Variants in COL4A5 observed in about 807,000 individuals in gnomAD.
COL4A5 encodes the protein collagen alpha-5(IV) chain.
A neutral mutation model predicts 130.2 loss-of-function variants in COL4A5; 26 were observed. The observed-to-expected ratio is 0.20, with a 90% CI of 0.15 to 0.28. The LOEUF is 0.28. Ranked by LOEUF, COL4A5 falls within the 10% of genes least tolerant of loss-of-function variation. The pLI is 1.00. For missense variants in COL4A5, 1,131 were observed against 1,344.3 expected (o/e 0.84, Z 2.48); for synonymous variants, 496 against 439.6 (o/e 1.13, Z -1.60).
chrX:108,546,050 C>G (rs1208040848), intron 2 of COL4A5, among the ~76,000 whole-genome samples: 1 of 111,888 alleles, frequency 8.9e-6, no homozygotes, highest in Admixed American at 9.5e-5. Flanking sequence ...GGTGGGTCTT[C>G]ACTCTTTATC....
Position 108,580,727 on chromosome X carries a change from C to T in COL4A5, c.880C>T (p.Pro294Ser), listed in dbSNP as rs374201703. The T allele has an allele frequency of 3.1e-5, 37 of 1,207,178 alleles. No individual in the cohort carries two copies. The African/African-American group carries it at 6.3e-4, about 21-fold the overall frequency. ...EKGEKGEQGE[P>S]GKRGKPGKDG... ...AGGTGAGAAGGGTGAGCAAGGAGAG[C>T]CAGGCAAAAGAGTAAGTGATGTAAC... Residue 294 changes from proline (P) to serine (S), a missense_variant, in exon 15 of 53, where the codon CCA becomes TCA. By Grantham distance (74) the Pro-to-Ser change is moderately conservative. Transcript: ENST00000328300.
rs766871836 is a variant in COL4A5, at chrX:108,681,832, C to T, written c.4160C>T (p.Pro1387Leu). The T allele has an allele frequency of 8.3e-7, 1 of 1,210,386 alleles. No individual in the cohort carries two copies. Among genetic ancestry groups the T allele is most frequent in the African/African-American group, 1.7e-5 (1 of 57,712 alleles). Residue 1387 changes from proline to leucine, a missense_variant, in exon 47 of 53, where the codon CCT becomes CTT. Physicochemically the swap from Pro to Leu is moderately conservative, Grantham distance 98. Coordinates refer to ENST00000328300, the MANE Select transcript of COL4A5 (RefSeq NM_033380.3). ...GGAGATGCTGGTCCTCCAGGAATCC[C>T]TGGCCAGCCTGGGCTAAAGGGTCTA... ...IKGDAGPPGI[P>L]GQPGLKGLPG...
intron 36 of COL4A5, among the ~76,000 whole-genome samples, chrX:108,643,207 T>C (rs1004914696): frequency 9.0e-6 from 1 of 111,327 alleles, no homozygotes; most frequent in East Asian, 2.8e-4. Flanking sequence ...CTCCAAGAAG[T>C]CTAAGATTAT....
chrX:108,451,065 A>G (rs1050756693), intron 1 of COL4A5, among the ~76,000 whole-genome samples: 1 of 105,549 alleles, frequency 9.5e-6, no homozygotes, highest in African/African-American at 3.5e-5. Context: ...TCATTGTTCA[A>G]TTCCCACCTA....
chrX:108,668,180 G>A (rs934494201), intron 40 of COL4A5, 139 bp from the exon 41 acceptor site: 1 of 543,144 alleles, frequency 1.8e-6, no homozygotes, highest in African/African-American at 2.3e-5. Context: ...GGTTTTCTGG[G>A]TAGATTTGGG....
chrX:108,516,396 T>C (rs2065221510), intron 1 of COL4A5, among the ~76,000 whole-genome samples: 1 of 112,108 alleles, frequency 8.9e-6, no homozygotes, highest in Non-Finnish European at 1.9e-5. Flanking sequence ...GCTTCTTTTA[T>C]CTGTGATGTT....
At chrX:108,563,975 A>G (rs765711949) in intron 4 of COL4A5, 49 bp downstream of exon 4, 9 of 1,037,901 alleles carry the variant, frequency 8.7e-6, no homozygotes, top group Middle Eastern at 2.6e-4. Flanking sequence ...GGAAACAGAT[A>G]GAGAACAAAT....
intron 2 of COL4A5, among the ~76,000 whole-genome samples, chrX:108,547,174 G>A (rs1167346306): frequency 8.9e-6 from 1 of 112,100 alleles, no homozygotes; most frequent in Non-Finnish European, 1.9e-5. Flanking sequence ...CTTTGGAGGA[G>A]GAGAGGCACT....
chrX:108,476,347 A>G (rs1241530170), intron 1 of COL4A5, among the ~76,000 whole-genome samples: 1 of 110,360 alleles, frequency 9.1e-6, no homozygotes, highest in Non-Finnish European at 1.9e-5. Flanking sequence ...CAGACACACA[A>G]TGCGTAATAA....
At chrX:108,594,089 G>T (rs1030970002) in intron 21 of COL4A5, among the ~76,000 whole-genome samples, 2 of 111,664 alleles carry the variant, frequency 1.8e-5, no homozygotes, top group African/African-American at 6.5e-5. Flanking sequence ...TGATCAAATT[G>T]AAGTCTTGAT....
Position 108,572,256 on chromosome X carries a change from A to G in COL4A5, c.465+419A>G, listed in dbSNP as rs139140983. The stretch of plus-strand genomic sequence containing the variant: ...CATCAAGCATCAGGTCACAGTCTGT[A>G]CTCCTTCCCTGCAATGCCCAGAAAT... On this transcript the variant is annotated intron_variant, in intron 8 of 52. Transcript: ENST00000328300. Among the ~76,000 whole-genome samples the G allele has an allele frequency of 1.5e-4, 17 of 110,871 alleles. No individual in the cohort carries two copies. In the East Asian group the frequency reaches 4.5e-3, roughly 30 times the overall value.
intron 6 of COL4A5, among the ~76,000 whole-genome samples, chrX:108,570,199 T>C (rs775826885): frequency 8.9e-6 from 1 of 112,025 alleles, no homozygotes; most frequent in Non-Finnish European, 1.9e-5. Flanking sequence ...TCATGAGGAC[T>C]AATCGTGTTC....
chrX:108,536,539 C>T (rs1450693642), intron 1 of COL4A5, among the ~76,000 whole-genome samples: 4 of 110,952 alleles, frequency 3.6e-5, no homozygotes, highest in African/African-American at 1.3e-4. Flanking sequence ...GACTGAGGTA[C>T]TTAATGTTCA....
At chrX:108,569,922 C>T (rs778400174) in intron 6 of COL4A5, among the ~76,000 whole-genome samples, 22 of 111,286 alleles carry the variant, frequency 2.0e-4, no homozygotes, top group African/African-American at 6.5e-4. Context: ...CCTCTTGATC[C>T]GCCTGCCTCA....
chrX:108,631,181 A>G (rs188714954), intron 36 of COL4A5, among the ~76,000 whole-genome samples: 6 of 111,721 alleles, frequency 5.4e-5, no homozygotes, highest in African/African-American at 1.9e-4. Context: ...GTTTTTTCCA[A>G]TTCTGTGAAG....
In COL4A5 at chrX:108,582,883, G is replaced by A. The variant is rs104886448; in HGVS notation, c.937-1G>A. The A allele has an allele frequency of 8.3e-7, 1 of 1,200,679 alleles. No homozygotes were observed. The highest frequency in any genetic ancestry group is 1.1e-6 in the Non-Finnish European group (1 of 886,028). On this transcript the variant is annotated splice_acceptor_variant, in intron 16 of 52. Coordinates refer to ENST00000328300, the MANE Select transcript of COL4A5 (RefSeq NM_033380.3). LOFTEE classifies it high-confidence loss of function. Reference sequence around the variant, plus strand: ...GTCACCCTATCCTCTATGTTTTAAAGGGTTTGCCTGGTGATCCTGGTTACC... The same window carrying A: ...GTCACCCTATCCTCTATGTTTTAAAAGGTTTGCCTGGTGATCCTGGTTACC...
intron 42 of COL4A5, 83 bp downstream of exon 42, chrX:108,670,319 G>A (rs1193661786): frequency 1.7e-6 from 2 of 1,188,218 alleles, no homozygotes; most frequent in African/African-American, 3.5e-5. Flanking sequence ...GTGTTTGAAT[G>A]TATTTTAAGA....
chrX:108,567,297 A>G (rs1200531607), intron 4 of COL4A5, among the ~76,000 whole-genome samples: 7 of 111,506 alleles, frequency 6.3e-5, no homozygotes, highest in Admixed American at 1.9e-4. Context: ...ACAGACGTAC[A>G]CTGGATCCAA....
intron 1 of COL4A5, among the ~76,000 whole-genome samples, chrX:108,485,221 C>A (rs2064932592): frequency 1.8e-5 from 2 of 112,040 alleles, no homozygotes; most frequent in Admixed American, 1.9e-4. Flanking sequence ...TGTCCCAGGG[C>A]AGGTCCCAAA....
Sources: gnomAD v4.1 joint callset for allele counts (sites outside exome capture counted in the v4.1 genomes callset) on GRCh38, gnomAD v4.1.1 for gene constraint, MANE v1.5 for transcripts, NCBI Gene and HGNC (gene_info 2026-07-23, HGNC 2026-07-21) for gene names.